The following SPNS2 variants were observed in gnomAD, a reference collection of about 807,000 sequenced individuals.
The protein encoded by SPNS2 is SPNS lysolipid transporter 2, sphingosine-1-phosphate.
In SPNS2, 37 loss-of-function variants were observed where a neutral mutation model predicts 57.6. That is an observed-to-expected ratio of 0.64 (90% CI 0.49 to 0.85). The LOEUF (loss-of-function observed/expected upper bound fraction) is 0.85, where lower values mean the gene tolerates loss of function less well. Among genes scored for constraint, SPNS2 ranks in the 40% least tolerant of loss-of-function variants. The pLI is 0.00. For synonymous variants in SPNS2, 440 were observed against 346.9 expected (o/e 1.27, Z -2.98); for missense variants, 831 against 779.1 (o/e 1.07, Z -0.79).
At chr17:4,530,809 G>A (rs1378175494) in intron 4 of SPNS2, 26 bp downstream of exon 4, 1 of 1,603,764 alleles carries the variant, frequency 6.2e-7, no homozygotes, top group Admixed American at 1.7e-5. Context: ...GCCAGGGTCT[G>A]GGTGAGGATC....
chr17:4,538,913 C>T lies in SPNS2; in HGVS notation c.*1465C>T. 1.3e-6 allele frequency: 1 copy of T among 782,008 alleles called. No individual in the cohort carries two copies. Among genetic ancestry groups the T allele is most frequent in the Non-Finnish European group, 2.4e-6 (1 of 418,952 alleles). 48.4% of individuals were successfully genotyped at this position (782,008 alleles called of 1,614,324 possible). On this transcript the variant is annotated 3_prime_UTR_variant, in exon 13 of 13. Transcript: ENST00000329078. ...GAACCAGGTCCGAGTGTTGCCTCCT[C>T]TTCCTTCCGGAAGCCAAACTGCTCC...
intron 1 of SPNS2, among the ~76,000 whole-genome samples, chr17:4,507,194 AG>A (rs1904705682): frequency 1.3e-5 from 2 of 152,200 alleles, no homozygotes; most frequent in Admixed American, 1.3e-4. Context: ...AAGCGGGAGC[AG>A]GGGTAAGACT....
intron 1 of SPNS2, among the ~76,000 whole-genome samples, chr17:4,507,455 A>G (rs942838635): frequency 6.6e-6 from 1 of 152,248 alleles, no homozygotes; most frequent in African/African-American, 2.4e-5. Flanking sequence ...AGGACCTACT[A>G]TGTGCCAGGC....
chr17:4,532,461 T>C (rs747538238), intron 5 of SPNS2, 81 bp from the exon 6 acceptor site: 8 of 1,598,342 alleles, frequency 5.0e-6, no homozygotes, highest in African/African-American at 1.3e-5. Flanking sequence ...AGAGAAGGCA[T>C]GGGCTTGCCT....
chr17:4,518,086 G>A (rs758862471), intron 2 of SPNS2, among the ~76,000 whole-genome samples: 4 of 152,240 alleles, frequency 2.6e-5, no homozygotes, highest in Admixed American at 6.5e-5. Flanking sequence ...ATGGGTTGGC[G>A]TATGGGGAGA....
chr17:4,513,460 C>A, intron 2 of SPNS2, 148 bp downstream of exon 2: 1 of 766,714 alleles, frequency 1.3e-6, no homozygotes, highest in Admixed American at 2.4e-5. Flanking sequence ...CTCACTATTG[C>A]CACCTGCCAA....
In SPNS2 at chr17:4,533,306, C is replaced by G; in HGVS notation, c.1152C>G (p.Ala384=). The change falls in exon 8 of 13, where the codon GCC becomes GCG. Residue 384 remains alanine, a synonymous_variant. Transcript: ENST00000329078. ...GFLGVVTGAG[A]TRWCRLKTQR... is the part of the protein sequence containing the mutation. ...TGGGCGTGGTCACGGGGGCAGGAGC[C>G]ACGCGCTGGTGCCGCCTGAAGACCC... The G allele has an allele frequency of 6.2e-7, 1 of 1,611,756 alleles. No individual in the cohort carries two copies. Among genetic ancestry groups the G allele is most frequent in the Non-Finnish European group, 8.5e-7 (1 of 1,179,282 alleles).
chr17:4,537,900 G>T lies in SPNS2; in HGVS notation c.*452G>T, dbSNP rs559842878. On this transcript the variant is annotated 3_prime_UTR_variant, in exon 13 of 13. Coordinates refer to ENST00000329078, the MANE Select transcript of SPNS2 (RefSeq NM_001124758.3). ...CAACAGACCCTGGACCATACGGAGAGCAGGTGGCCCAGGCCTCAGGGCGGC... is the reference window on the plus strand; with the variant it reads ...CAACAGACCCTGGACCATACGGAGATCAGGTGGCCCAGGCCTCAGGGCGGC... 1 of 420,624 alleles carries T rather than the reference G, an allele frequency of 2.4e-6. No individual in the cohort carries two copies. The highest frequency in any genetic ancestry group is 4.9e-6 in the Non-Finnish European group (1 of 204,932). The allele number at this position is 420,624 out of a possible 1,614,324, so 26.1% of individuals were successfully genotyped here. A position where few individuals can be genotyped will look rare whatever the true frequency, so the allele number is the denominator to read the frequency against.
Position 4,533,800 on chromosome 17 carries a change from G to T in SPNS2, c.1291G>T (p.Val431Phe). Residue 431 changes from valine to phenylalanine, a missense_variant, in exon 9 of 13, where the codon GTC (valine) becomes TTC (phenylalanine). Physicochemically the swap from Val to Phe is conservative, Grantham distance 50. Around this residue, in one of 2 missense-constraint regions of SPNS2, gnomAD observed 526 missense variants for 400.9 expected, o/e 1.31. Coordinates refer to ENST00000329078, the MANE Select transcript of SPNS2 (RefSeq NM_001124758.3). ...SIVGAYICIFVGETLLFSNWA... is the reference protein window; with the variant it reads ...SIVGAYICIFFGETLLFSNWA... ...TTCTCCCCGGCAGATCTGTATCTTC[G>T]TCGGGGAGACGCTGCTGTTTTCTAA... is the stretch of plus-strand genomic sequence containing the variant. The T allele has an allele frequency of 6.2e-7, 1 of 1,613,778 alleles. No individual in the cohort carries two copies. The highest frequency in any genetic ancestry group is 8.5e-7 in the Non-Finnish European group (1 of 1,180,038).
In SPNS2 at chr17:4,532,695, CG is replaced by C. The variant is rs1567595438; in HGVS notation, c.935+14del. 1 of 1,612,844 alleles carries C rather than the reference CG, an allele frequency of 6.2e-7. No homozygotes were observed. The highest frequency in any genetic ancestry group is 1.1e-5 in the South Asian group (1 of 90,976). On this transcript the variant is annotated intron_variant, in intron 6 of 12. Transcript: ENST00000329078. ...GGCCCTGATTCGAAAGTGAGTACCG[CG>C]GGAAGGGGTCTGGTGGGAAGAGAGA... is the stretch of plus-strand genomic sequence containing the variant.
intron 11 of SPNS2, 57 bp downstream of exon 11, chr17:4,536,483 G>A: frequency 1.3e-6 from 2 of 1,547,756 alleles, no homozygotes; most frequent in South Asian, 1.1e-5. Context: ...GACCGTGATA[G>A]CCACCGTGAG....
rs1010358068 is a variant in SPNS2, at chr17:4,536,768, C to T, written c.1608-132C>T. On this transcript the variant is annotated intron_variant, in intron 11 of 12. Transcript: ENST00000329078. ...TCCCCACCCCTGGGCTCTCCCATCT[C>T]CCCCTGGGGCTGACGAGGTCCCTGC... 4 of 752,102 alleles carry T rather than the reference C, an allele frequency of 5.3e-6. No individual in the cohort carries two copies. In the East Asian group the frequency reaches 1.1e-4, roughly 20 times the overall value. The allele number at this position is 752,102 out of a possible 1,614,324, so 46.6% of individuals were successfully genotyped here.
At chr17:4,528,869 G>T (rs1300747017) in intron 3 of SPNS2, among the ~76,000 whole-genome samples, 2 of 152,028 alleles carry the variant, frequency 1.3e-5, no homozygotes, top group African/African-American at 4.8e-5. Flanking sequence ...GACTTCCTGG[G>T]CTCAACTGAT....
intron 11 of SPNS2, 22 bp downstream of exon 11, chr17:4,536,448 C>A (rs779588303): frequency 6.3e-7 from 1 of 1,582,074 alleles, no homozygotes; most frequent in South Asian, 1.1e-5. Context: ...GGAGGGGAGG[C>A]CCTGCTGCAC....
chr17:4,506,037 C>T (rs1024410599), intron 1 of SPNS2, among the ~76,000 whole-genome samples: 6 of 152,268 alleles, frequency 3.9e-5, no homozygotes, highest in East Asian at 1.9e-4. Flanking sequence ...TTCCAGCATC[C>T]GTGTGGGGAT....
rs751641079 is a variant in SPNS2, at chr17:4,533,038, G to A, written c.997G>A (p.Gly333Ser). 1.2e-6 allele frequency: 2 copies of A among 1,613,374 alleles called. No individual in the cohort carries two copies. Among genetic ancestry groups the A allele is most frequent in the Non-Finnish European group, 1.7e-6 (2 of 1,179,966 alleles). The change falls in exon 7 of 13, where the codon GGC (glycine) becomes AGC (serine). Residue 333 changes from glycine (G) to serine (S), a missense_variant. Physicochemically the swap from Gly to Ser is moderately conservative, Grantham distance 56. Transcript: ENST00000329078. ...SAVSFATGAL[G>S]MWIPLYLHRA... Reference sequence around the variant, plus strand: ...TGTCTCCTTCGCCACGGGGGCCCTGGGCATGTGGATCCCGCTCTACCTGCA... The same window carrying A: ...TGTCTCCTTCGCCACGGGGGCCCTGAGCATGTGGATCCCGCTCTACCTGCA...
intron 1 of SPNS2, among the ~76,000 whole-genome samples, chr17:4,502,911 C>G (rs1904565106): frequency 6.6e-6 from 1 of 152,194 alleles, no homozygotes; most frequent in Non-Finnish European, 1.5e-5. Flanking sequence ...GTAGCTTCTG[C>G]CCCAGCGCCA....
At position 4,533,257 on chromosome 17, in the gene SPNS2, C is replaced by A; in HGVS notation, c.1103C>A (p.Ala368Asp). ...TGTCCCCACAGCCTCATCTTTGGGG[C>A]CATCACCTGCTTTACGGGATTTCTG... ...CGAKDSLIFG[A>D]ITCFTGFLGV... The change falls in exon 8 of 13, where the codon GCC becomes GAC. Residue 368 changes from alanine (A) to aspartate (D), a missense_variant. Ala to Asp is a moderately radical substitution (Grantham distance 126). Around this residue, in one of 2 missense-constraint regions of SPNS2, gnomAD observed 526 missense variants for 400.9 expected, o/e 1.31. Coordinates refer to ENST00000329078, the MANE Select transcript of SPNS2 (RefSeq NM_001124758.3). 1 of 1,603,968 alleles carries A rather than the reference C, an allele frequency of 6.2e-7. No individual in the cohort carries two copies.
At chr17:4,532,714 AAGAG>A in intron 6 of SPNS2, 30 bp downstream of exon 6, 2 of 1,605,760 alleles carry the variant, frequency 1.2e-6, no homozygotes, top group Non-Finnish European at 1.7e-6. Context: ...GTCTGGTGGG[AAGAG>A]AGAGGGGTGC....
Sources: allele counts gnomAD v4.1 joint callset (sites outside exome capture counted in the v4.1 genomes callset), GRCh38; gene constraint gnomAD v4.1.1; regional missense constraint gnomAD v4.1.1; transcripts MANE v1.5; gene names NCBI Gene and HGNC (gene_info 2026-07-23, HGNC 2026-07-21).